The following SERPINB5 variants were observed in gnomAD, a reference collection of about 807,000 sequenced individuals.
SERPINB5 encodes the protein serpin family B member 5, also known as serpin B5.
A neutral mutation model predicts 32.2 loss-of-function variants in SERPINB5; 27 were observed. That is an observed-to-expected ratio of 0.84 (90% CI 0.62 to 1.16). The LOEUF (loss-of-function observed/expected upper bound fraction) is 1.16. Ranked by LOEUF, SERPINB5 falls within the 50% of genes most tolerant of loss-of-function variation. The pLI, the probability that SERPINB5 is intolerant of heterozygous loss-of-function variation, is 0.00. For synonymous variants in SERPINB5, 154 were observed against 157.4 expected (o/e 0.98, Z 0.16); for missense variants, 388 against 436.3 (o/e 0.89, Z 0.99).
chr18:63,496,584 T>C (rs899832943), intron 5 of SERPINB5, among the ~76,000 whole-genome samples: 4 of 152,144 alleles, frequency 2.6e-5, no homozygotes, highest in Admixed American at 2.0e-4. Flanking sequence ...GTAAAATAAA[T>C]AACGTTTAGC....
intron 5 of SERPINB5, among the ~76,000 whole-genome samples, chr18:63,495,910 G>C (rs925631524): frequency 1.3e-5 from 2 of 152,032 alleles, no homozygotes; most frequent in Non-Finnish European, 2.9e-5. Flanking sequence ...GAATTGCTTT[G>C]TCCACCCTAG....
chr18:63,493,245 G>C (rs1212499368), intron 5 of SERPINB5, 150 bp downstream of exon 5: 1 of 986,420 alleles, frequency 1.0e-6, no homozygotes, highest in Non-Finnish European at 1.6e-6. Context: ...TGGAAGGTAA[G>C]TGGTACAAAA....
chr18:63,503,613 G>T lies in SERPINB5; in HGVS notation c.1019G>T (p.Arg340Leu). 3 of 1,614,194 alleles carry T rather than the reference G, an allele frequency of 1.9e-6. No homozygotes were observed. The highest frequency in any genetic ancestry group is 2.5e-6 in the Non-Finnish European group (3 of 1,180,016). ...GGDSIEVPGA[R>L]ILQHKDELNA... ...GATTCCATAGAGGTGCCAGGAGCAC[G>T]GATCCTGCAGCACAAGGATGAATTG... Residue 340 changes from arginine (R) to leucine (L), a missense_variant, in exon 7 of 7, where the codon CGG (arginine) becomes CTG (leucine). Physicochemically the swap from Arg to Leu is moderately radical, Grantham distance 102. Transcript: ENST00000382771.
Position 63,496,301 on chromosome 18 carries a change from A to G in SERPINB5, c.568-2819A>G, listed in dbSNP as rs369254251. ...TTCTTTAGGAGGAATATATTTTAAG[A>G]CAATATCCTCTTTAGGAGAAATAAA... is the stretch of plus-strand genomic sequence containing the variant. On this transcript the variant is annotated intron_variant, in intron 5 of 6. Coordinates refer to ENST00000382771, the MANE Select transcript of SERPINB5 (RefSeq NM_002639.5). 2.1e-3 allele frequency among the ~76,000 whole-genome samples: 316 copies of G among 152,332 alleles called. 2 individuals carry two copies. Among genetic ancestry groups the G allele is most frequent in the African/African-American group, 7.2e-3 (301 of 41,574 alleles).
rs1458090981 is a variant in SERPINB5 at position 63,489,372 on chromosome 18, C to T, written c.332C>T (p.Pro111Leu). 4.7e-5 allele frequency: 75 copies of T among 1,610,230 alleles called. No individual in the cohort carries two copies. Among genetic ancestry groups the T allele is most frequent in the Non-Finnish European group, 6.3e-5 (74 of 1,177,614 alleles). ...GAGTTCATCAGCTCTACGAAGAGAC[C>T]GTATGCAAAGGAATTGGAAACTGTT... ...STEFISSTKR[P>L]YAKELETVDF... is the part of the protein sequence containing the mutation. Residue 111 changes from proline to leucine, a missense_variant, in exon 4 of 7, where the codon CCG becomes CTG. Coordinates refer to ENST00000382771, the MANE Select transcript of SERPINB5 (RefSeq NM_002639.5).
chr18:63,497,074 T>C, intron 5 of SERPINB5: 1 of 583,466 alleles, frequency 1.7e-6, no homozygotes, highest in South Asian at 1.4e-5. Context: ...TCTGCCTCCT[T>C]CTTGAATAGC....
chr18:63,491,549 A>G lies in SERPINB5; in HGVS notation c.425-1404A>G, dbSNP rs186734148. Among the ~76,000 whole-genome samples, 181 of 148,512 alleles carry G rather than the reference A, an allele frequency of 1.2e-3. 1 individual carries two copies. Among genetic ancestry groups the G allele is most frequent in the African/African-American group, 4.4e-3 (177 of 39,908 alleles). ...GAGTGCAGCGGCACGATCTTGGCTT[A>G]CTGTAACCTCCGCCTCCCAGGTTCA... On this transcript the variant is annotated intron_variant, in intron 4 of 6. Transcript: ENST00000382771.
intron 5 of SERPINB5, 71 bp from the exon 6 acceptor site, chr18:63,499,045 GTGTA>G: frequency 3.8e-5 from 22 of 581,868 alleles, no homozygotes; most frequent in South Asian, 3.8e-4. Flanking sequence ...GCGCGCGTGT[GTGTA>G]TATATATATA....
chr18:63,484,128 T>C (rs1225027114), intron 1 of SERPINB5, among the ~76,000 whole-genome samples: 2 of 152,246 alleles, frequency 1.3e-5, no homozygotes, highest in East Asian at 3.8e-4. Context: ...TTCTGACATA[T>C]GCTGGAGAAG....
At position 63,489,208 on chromosome 18, in the gene SERPINB5, A is replaced by C. The variant is rs1599389431; in HGVS notation, c.307-139A>C. 3 of 461,966 alleles carry C rather than the reference A, an allele frequency of 6.5e-6. No homozygotes were observed. The East Asian group carries it at 1.0e-4, about 16-fold the overall frequency. The allele number at this position is 461,966 out of a possible 1,614,324, so 28.6% of individuals were successfully genotyped here. ...AAAGAAATTCACTGACTTCTACATGAGGTTTCAATTCATATAGTGTTACCA... is the reference window on the plus strand; with the variant it reads ...AAAGAAATTCACTGACTTCTACATGCGGTTTCAATTCATATAGTGTTACCA... On this transcript the variant is annotated intron_variant, in intron 3 of 6. Transcript: ENST00000382771.
At position 63,480,252 on chromosome 18, in the gene SERPINB5, A is replaced by G. The variant is rs190680288; in HGVS notation, c.-8+3207A>G. The stretch of plus-strand genomic sequence containing the variant: ...CTTGGAAATAAGTTCTTAAAACTGC[A>G]TTTGTATTACTGCTTGAACTTCCAT... On this transcript the variant is annotated intron_variant, in intron 1 of 6. Transcript: ENST00000382771. Among the ~76,000 whole-genome samples the G allele has an allele frequency of 2.0e-5, 3 of 152,354 alleles. No homozygotes were observed. The East Asian group carries it at 5.8e-4, about 29-fold the overall frequency.
chr18:63,492,855 T>G, intron 4 of SERPINB5, 98 bp from the exon 5 acceptor site: 1 of 1,429,776 alleles, frequency 7.0e-7, no homozygotes. Flanking sequence ...ATGGTGTGAC[T>G]CCATGAAGTG....
intron 1 of SERPINB5, among the ~76,000 whole-genome samples, chr18:63,479,273 G>A (rs6567360): frequency 0.73 from 110,432 of 152,026 alleles, 41,224 homozygotes; most frequent in African/African-American, 0.91. Context: ...AAAGTGGGAT[G>A]TATATATCCT....
At chr18:63,485,487 T>C (rs942709679) in intron 2 of SERPINB5, 8 of 152,226 alleles carry the variant, frequency 5.3e-5, no homozygotes, top group African/African-American at 1.4e-4. Context: ...ATAAGAGTTA[T>C]TTAGGTAAGG....
In SERPINB5 at chr18:63,503,353, G is replaced by A; in HGVS notation, c.759G>A (p.Glu253=). ...AGATTGAAAAACAACTCAACTCAGA[G>A]TCACTGTCACAGTGGACTAATCCCA... ...LEKIEKQLNS[E]SLSQWTNPST... is the part of the protein sequence containing the mutation. The change falls in exon 7 of 7, where the codon GAG becomes GAA. Residue 253 remains glutamate, a synonymous_variant. Coordinates refer to ENST00000382771, the MANE Select transcript of SERPINB5 (RefSeq NM_002639.5). The A allele has an allele frequency of 6.2e-7, 1 of 1,613,254 alleles. No homozygotes were observed. The highest frequency in any genetic ancestry group is 1.1e-5 in the South Asian group (1 of 90,730).
chr18:63,497,369 T>C (rs6567365), intron 5 of SERPINB5: 729,455 of 1,247,832 alleles, frequency 0.58, 219,981 homozygotes, highest in Non-Finnish European at 0.62. Context: ...TTCTGTTTGA[T>C]GGTCGCCTTC....
chr18:63,482,989 GCTGT>G (rs550894658), intron 1 of SERPINB5, among the ~76,000 whole-genome samples: 169 of 152,094 alleles, frequency 1.1e-3, no homozygotes, highest in South Asian at 2.3e-3. Flanking sequence ...GGAAAACTCC[GCTGT>G]CTATTAGAGA....
intron 4 of SERPINB5, among the ~76,000 whole-genome samples, chr18:63,490,445 C>T (rs1909308715): frequency 6.6e-6 from 1 of 152,102 alleles, no homozygotes; most frequent in African/African-American, 2.4e-5. Context: ...GTGACTTTGT[C>T]CCCCTCCCCA....
intron 5 of SERPINB5, among the ~76,000 whole-genome samples, chr18:63,496,838 G>A (rs903102391): frequency 2.6e-5 from 4 of 152,236 alleles, no homozygotes; most frequent in Non-Finnish European, 5.9e-5. Flanking sequence ...CTCTGGAGCA[G>A]AGACAGGAGG....
Sources: gnomAD v4.1 joint callset for allele counts (sites outside exome capture counted in the v4.1 genomes callset) on GRCh38, gnomAD v4.1.1 for gene constraint, MANE v1.5 for transcripts, NCBI Gene and HGNC (gene_info 2026-07-23, HGNC 2026-07-21) for gene names.